SHC3: variants seen among roughly 807,000 people sequenced by gnomAD.
The protein encoded by SHC3 is SHC adaptor protein 3.
SHC3 carries 15 observed loss-of-function variants against 60.4 expected under a neutral mutation model. The ratio of observed to expected loss-of-function variants is 0.25; its 90% CI spans 0.17 to 0.38. The LOEUF (loss-of-function observed/expected upper bound fraction) is 0.38, where lower values mean the gene tolerates loss of function less well. Among genes scored for constraint, SHC3 ranks in the 10% least tolerant of loss-of-function variants. The pLI is 1.00. For missense variants in SHC3, 677 were observed against 786.1 expected, an observed-to-expected ratio of 0.86 and a Z score of 1.66; for synonymous variants, 294 against 325.9, an observed-to-expected ratio of 0.90 and a Z score of 1.05.
chr9:89,108,966 T>C (rs772611866), intron 2 of SHC3: 3 of 731,372 alleles, frequency 4.1e-6, no homozygotes, highest in African/African-American at 1.9e-5. Flanking sequence ...ACACATCATT[T>C]AACTGGGCAG....
intron 1 of SHC3, among the ~76,000 whole-genome samples, chr9:89,176,427 C>A (rs1024037449): frequency 5.3e-5 from 8 of 152,142 alleles, no homozygotes; most frequent in African/African-American, 1.9e-4. Flanking sequence ...GAGAATTCTC[C>A]CTCAATTTGA....
At chr9:89,156,539 AG>A (rs1479799141) in intron 1 of SHC3, among the ~76,000 whole-genome samples, 1 of 152,186 alleles carries the variant, frequency 6.6e-6, no homozygotes, top group Non-Finnish European at 1.5e-5. Flanking sequence ...GTCCTAAAAA[AG>A]TAAATAAAAA....
intron 1 of SHC3, among the ~76,000 whole-genome samples, chr9:89,142,825 C>T (rs1443668375): frequency 6.6e-6 from 1 of 152,050 alleles, no homozygotes; most frequent in Non-Finnish European, 1.5e-5. Flanking sequence ...GGTGTGTGTA[C>T]AGATAATTTT....
intron 1 of SHC3, among the ~76,000 whole-genome samples, chr9:89,129,961 G>A (rs922455633): frequency 1.3e-5 from 2 of 152,138 alleles, no homozygotes; most frequent in Non-Finnish European, 1.5e-5. Context: ...ACACAGACTG[G>A]CAAATTGGAT....
rs900053714 is a variant in SHC3 at position 89,013,228 on chromosome 9, T to C, written c.*219A>G. On this transcript the variant is annotated 3_prime_UTR_variant, in exon 12 of 12. Coordinates refer to ENST00000375835, the MANE Select transcript of SHC3 (RefSeq NM_016848.6). ...CTTAAAAAATATAAATATAGAGGGA[T>C]AATTTGTACAGGATGTATAGGTATG... 1 of 367,692 alleles carries C rather than the reference T, an allele frequency of 2.7e-6. No individual in the cohort carries two copies. The highest frequency in any genetic ancestry group is 4.8e-6 in the Non-Finnish European group (1 of 209,340). 22.8% of individuals were successfully genotyped at this position (367,692 alleles called of 1,614,324 possible). A position where few individuals can be genotyped will look rare whatever the true frequency, so the allele number is the denominator to read the frequency against.
intron 3 of SHC3, among the ~76,000 whole-genome samples, chr9:89,076,459 T>C (rs1179683795): frequency 1.3e-5 from 2 of 152,248 alleles, no homozygotes; most frequent in Non-Finnish European, 2.9e-5. Flanking sequence ...TGAAGGACGC[T>C]TTCTCCACAA....
intron 6 of SHC3, among the ~76,000 whole-genome samples, chr9:89,058,101 GA>G (rs1194504594): frequency 6.6e-6 from 1 of 152,256 alleles, no homozygotes; most frequent in African/African-American, 2.4e-5. Flanking sequence ...AATGGTGAAA[GA>G]ATCAATTTCT....
chr9:89,015,390 G>T (rs1254029529), intron 11 of SHC3, among the ~76,000 whole-genome samples: 2 of 152,206 alleles, frequency 1.3e-5, no homozygotes, highest in African/African-American at 2.4e-5. Context: ...TACTCCTGAG[G>T]ACCTTTTAGT....
chr9:89,135,815 T>C (rs149180790), intron 1 of SHC3, among the ~76,000 whole-genome samples: 5 of 152,276 alleles, frequency 3.3e-5, no homozygotes, highest in African/African-American at 1.2e-4. Context: ...TCTCAGCATA[T>C]ACTGGAATCA....
chr9:89,075,051 C>A (rs575804009), intron 4 of SHC3, 58 bp downstream of exon 4: 7 of 1,581,674 alleles, frequency 4.4e-6, no homozygotes, highest in Middle Eastern at 1.8e-4. Flanking sequence ...AAGAAGCCTG[C>A]GAAACACTCA....
At position 89,020,100 on chromosome 9, in the gene SHC3, A is replaced by G. The variant is rs527292315; in HGVS notation, c.1657-6525T>C. Among the ~76,000 whole-genome samples, 115 of 152,240 alleles carry G rather than the reference A, an allele frequency of 7.6e-4. 1 individual carries two copies. The highest frequency in any genetic ancestry group is 1.3e-3 in the Non-Finnish European group (89 of 68,030). On this transcript the variant is annotated intron_variant, in intron 11 of 11. Transcript: ENST00000375835. ...TATTGTTTTTAGGTAGAGATCCCCA[A>G]GGTTTCACAGCAGCTTAATTAAAAT...
intron 11 of SHC3, chr9:89,037,238 T>A (rs1320228230): frequency 2.2e-6 from 1 of 446,142 alleles, no homozygotes; most frequent in African/African-American, 2.0e-5. Context: ...AGACAAAGGC[T>A]TCATCCCTCC....
At chr9:89,094,894 G>A (rs915169267) in intron 2 of SHC3, among the ~76,000 whole-genome samples, 4 of 152,160 alleles carry the variant, frequency 2.6e-5, no homozygotes, top group Middle Eastern at 3.4e-3. Context: ...GCCATGATGC[G>A]ATACCACCTC....
chr9:89,130,747 C>T (rs1826232564), intron 1 of SHC3, among the ~76,000 whole-genome samples: 1 of 152,124 alleles, frequency 6.6e-6, no homozygotes, highest in Non-Finnish European at 1.5e-5. Context: ...ACCAGAATCT[C>T]ATTTAAAGCA....
intron 10 of SHC3, among the ~76,000 whole-genome samples, chr9:89,039,936 C>T (rs1824648008): frequency 6.6e-6 from 1 of 151,778 alleles, no homozygotes; most frequent in South Asian, 2.1e-4. Flanking sequence ...ACAGGAGCGG[C>T]AGCAGTAACA....
intron 2 of SHC3, among the ~76,000 whole-genome samples, chr9:89,096,226 A>G (rs553216811): frequency 6.6e-6 from 1 of 152,342 alleles, no homozygotes; most frequent in East Asian, 1.9e-4. Context: ...CTAAGTAGGC[A>G]TGAGATGATT....
chr9:89,171,360 G>A (rs1826866622), intron 1 of SHC3, among the ~76,000 whole-genome samples: 1 of 152,144 alleles, frequency 6.6e-6, no homozygotes, highest in Admixed American at 6.5e-5. Context: ...AATGGAATTT[G>A]ATAAAATGAA....
rs147790971 is a variant in SHC3, at chr9:89,100,695, T to C, written c.545+11861A>G. 2.3e-4 allele frequency among the ~76,000 whole-genome samples: 35 copies of C among 152,342 alleles called. No homozygotes were observed. The East Asian group carries it at 5.4e-3, about 23-fold the overall frequency. On this transcript the variant is annotated intron_variant, in intron 2 of 11. Transcript: ENST00000375835. ...TGTGATCTAATTTCTTTCTCTATAG[T>C]TTTACCTTTTCTAGAATGTCACATA...
chr9:89,014,093 C>A (rs551405245), intron 11 of SHC3, among the ~76,000 whole-genome samples: 117 of 152,344 alleles, frequency 7.7e-4, no homozygotes, highest in Non-Finnish European at 1.6e-3. Flanking sequence ...TGGGCACCCA[C>A]CAGGGGCAAG....
Sources: allele counts gnomAD v4.1 joint callset (sites outside exome capture counted in the v4.1 genomes callset), GRCh38; gene constraint gnomAD v4.1.1; transcripts MANE v1.5; gene names NCBI Gene and HGNC (gene_info 2026-07-23, HGNC 2026-07-21).